The following NXPH2 variants were observed in gnomAD, a reference collection of about 807,000 sequenced individuals.
The protein encoded by NXPH2 is neurexophilin-2.
NXPH2 carries 5 observed loss-of-function variants against 19.8 expected under a neutral mutation model. That is an observed-to-expected ratio of 0.25 (90% CI 0.13 to 0.53). NXPH2 has a LOEUF of 0.53. NXPH2 is among the 20% of genes least tolerant of loss of function. The probability of loss-of-function intolerance (pLI) is 0.96; values close to 1 mark genes in which losing one functional copy is unlikely to be tolerated. For synonymous variants in NXPH2, 154 were observed against 127.4 expected (o/e 1.21, Z -1.41); for missense variants, 289 against 322.8 (o/e 0.90, Z 0.80).
intron 1 of NXPH2, among the ~76,000 whole-genome samples, chr2:138,751,884 A>G (rs987483553): frequency 6.6e-6 from 1 of 152,170 alleles, no homozygotes; most frequent in Non-Finnish European, 1.5e-5. Context: ...TCCTAAATGT[A>G]ATACTCAGAA....
chr2:138,675,547 T>A (rs923309442), intron 1 of NXPH2, among the ~76,000 whole-genome samples: 5 of 152,204 alleles, frequency 3.3e-5, no homozygotes, highest in Admixed American at 3.3e-4. Flanking sequence ...AATAGGACAT[T>A]ACTGAGATAT....
intron 1 of NXPH2, among the ~76,000 whole-genome samples, chr2:138,736,812 T>C (rs1395342963): frequency 6.6e-6 from 1 of 152,250 alleles, no homozygotes; most frequent in Admixed American, 6.5e-5. Flanking sequence ...AATGCTTTGC[T>C]GCTTAGAAAT....
chr2:138,774,241 CT>C (rs761874227), intron 1 of NXPH2, among the ~76,000 whole-genome samples: 78 of 152,226 alleles, frequency 5.1e-4, no homozygotes, highest in Non-Finnish European at 9.4e-4. Context: ...AAGAAAATCC[CT>C]GAATGCACCA....
intron 1 of NXPH2, among the ~76,000 whole-genome samples, chr2:138,747,396 A>C (rs1681755593): frequency 6.6e-6 from 1 of 152,104 alleles, no homozygotes; most frequent in South Asian, 2.1e-4. Flanking sequence ...CTGTGCTTTG[A>C]CACTAACTGG....
chr2:138,780,124 G>T (rs1682328096), intron 1 of NXPH2, 67 bp downstream of exon 1: 1 of 1,425,638 alleles, frequency 7.0e-7, no homozygotes, highest in Non-Finnish European at 9.2e-7. Flanking sequence ...CAAGTCAGCC[G>T]CCTGCGCGGT....
intron 1 of NXPH2, among the ~76,000 whole-genome samples, chr2:138,684,140 ACTTT>A (rs1680615107): frequency 6.6e-6 from 1 of 152,180 alleles, no homozygotes; most frequent in Non-Finnish European, 1.5e-5. Flanking sequence ...TCTTACATCT[ACTTT>A]ATGAGGTATG....
At chr2:138,708,315 A>G (rs1681047604) in intron 1 of NXPH2, among the ~76,000 whole-genome samples, 1 of 152,226 alleles carries the variant, frequency 6.6e-6, no homozygotes, top group Admixed American at 6.5e-5. Flanking sequence ...AAGAATGAGT[A>G]TCAATGAATT....
intron 1 of NXPH2, among the ~76,000 whole-genome samples, chr2:138,763,941 A>T (rs113439359): frequency 4.6e-5 from 7 of 152,260 alleles, no homozygotes; most frequent in African/African-American, 1.7e-4. Context: ...CCATTCAAGC[A>T]TTTATCTGAT....
At chr2:138,757,540 T>C (rs1233470193) in intron 1 of NXPH2, among the ~76,000 whole-genome samples, 2 of 152,078 alleles carry the variant, frequency 1.3e-5, no homozygotes, top group Non-Finnish European at 2.9e-5. Flanking sequence ...TCCGTCCTTG[T>C]GGCATTCCCG....
At chr2:138,675,198 A>G (rs1680468176) in intron 1 of NXPH2, among the ~76,000 whole-genome samples, 1 of 152,200 alleles carries the variant, frequency 6.6e-6, no homozygotes, top group Non-Finnish European at 1.5e-5. Context: ...AAGTATAAAA[A>G]TATTCTTTTA....
chr2:138,704,927 C>T lies in NXPH2; in HGVS notation c.52-33262G>A, dbSNP rs1431618645. Among the ~76,000 whole-genome samples the T allele has an allele frequency of 1.3e-4, 19 of 151,594 alleles. 1 individual carries two copies. The highest frequency in any genetic ancestry group is 1.2e-3 in the Admixed American group (18 of 15,168). On this transcript the variant is annotated intron_variant, in intron 1 of 1. Coordinates refer to ENST00000272641, the MANE Select transcript of NXPH2 (RefSeq NM_007226.3). ...GCAACCTCTGCCTCCTGGGTTCAAG[C>T]GATTCTCCTGCCTCAACTTCCCAAG... is the stretch of plus-strand genomic sequence containing the variant.
At chr2:138,695,604 T>C (rs1411685405) in intron 1 of NXPH2, among the ~76,000 whole-genome samples, 1 of 152,172 alleles carries the variant, frequency 6.6e-6, no homozygotes, top group African/African-American at 2.4e-5. Context: ...AAGAATAATA[T>C]TAAATATTTC....
chr2:138,762,536 C>T (rs1682032724), intron 1 of NXPH2, among the ~76,000 whole-genome samples: 1 of 152,158 alleles, frequency 6.6e-6, no homozygotes, highest in Admixed American at 6.5e-5. Flanking sequence ...ATGACTTGGT[C>T]ACATGCCTTC....
chr2:138,748,814 C>T (rs557199806), intron 1 of NXPH2, among the ~76,000 whole-genome samples: 3 of 152,022 alleles, frequency 2.0e-5, no homozygotes, highest in African/African-American at 7.2e-5. Flanking sequence ...AGCAGAGCAC[C>T]TGAAGTTAGA....
At chr2:138,751,586 T>C (rs62163220) in intron 1 of NXPH2, among the ~76,000 whole-genome samples, 10,532 of 152,166 alleles carry the variant, frequency 0.069, 781 homozygotes, top group African/African-American at 0.19. Flanking sequence ...TCAGACTTTC[T>C]AACAGGGGAA....
At chr2:138,689,262 C>A (rs1174268730) in intron 1 of NXPH2, among the ~76,000 whole-genome samples, 1 of 152,194 alleles carries the variant, frequency 6.6e-6, no homozygotes, top group Non-Finnish European at 1.5e-5. Context: ...AAGCTGCAAA[C>A]CATTCCTGAT....
At chr2:138,774,248 C>T (rs1292751456) in intron 1 of NXPH2, among the ~76,000 whole-genome samples, 1 of 152,132 alleles carries the variant, frequency 6.6e-6, no homozygotes, top group African/African-American at 2.4e-5. Context: ...TCCCTGAATG[C>T]ACCATTTTAA....
chr2:138,684,119 C>A (rs1422804399), intron 1 of NXPH2, among the ~76,000 whole-genome samples: 2 of 152,150 alleles, frequency 1.3e-5, no homozygotes, highest in Non-Finnish European at 2.9e-5. Flanking sequence ...TCACAAATAA[C>A]CTCATTTGAT....
chr2:138,694,970 G>C (rs1680807666), intron 1 of NXPH2, among the ~76,000 whole-genome samples: 1 of 152,150 alleles, frequency 6.6e-6, no homozygotes, highest in Non-Finnish European at 1.5e-5. Flanking sequence ...TGTAGTAACT[G>C]TTGCTGTACT....
Sources: gnomAD v4.1 joint callset for allele counts (sites outside exome capture counted in the v4.1 genomes callset) on GRCh38, gnomAD v4.1.1 for gene constraint, MANE v1.5 for transcripts, NCBI Gene and HGNC (gene_info 2026-07-23, HGNC 2026-07-21) for gene names.